GRM7: variants seen among roughly 807,000 people sequenced by gnomAD.
GRM7 encodes the protein glutamate metabotropic receptor 7, also known as metabotropic glutamate receptor 7.
In GRM7, 35 loss-of-function variants were observed where a neutral mutation model predicts 84.5. The ratio of observed to expected loss-of-function variants is 0.41; its 90% CI spans 0.32 to 0.55. GRM7 has a LOEUF of 0.55. GRM7 is among the 20% of genes least tolerant of loss of function. The probability of loss-of-function intolerance (pLI) is 0.19; values close to 1 mark genes in which losing one functional copy is unlikely to be tolerated. For missense variants in GRM7, 1,003 were observed against 1,194.6 expected (o/e 0.84, Z 2.36); for synonymous variants, 487 against 455.1 (o/e 1.07, Z -0.89).
intron 2 of GRM7, among the ~76,000 whole-genome samples, chr3:7,285,210 CCTAA>C (rs1358805039): frequency 3.9e-5 from 6 of 152,102 alleles, no homozygotes; most frequent in African/African-American, 1.2e-4. Flanking sequence ...TTTGCTGACT[CCTAA>C]CTTAGACCAA....
chr3:7,443,257 G>A (rs1009506688), intron 5 of GRM7, among the ~76,000 whole-genome samples: 2 of 151,660 alleles, frequency 1.3e-5, no homozygotes, highest in African/African-American at 2.4e-5. Context: ...CCTCACCATT[G>A]GCCAATTCAA....
In GRM7 at chr3:7,456,897, G is replaced by A. The variant is rs185517538; in HGVS notation, c.1375+4090G>A. 7.9e-5 allele frequency among the ~76,000 whole-genome samples: 12 copies of A among 152,072 alleles called. No individual in the cohort carries two copies. The South Asian group carries it at 1.2e-3, about 16-fold the overall frequency. On this transcript the variant is annotated intron_variant, in intron 6 of 9. Coordinates refer to ENST00000357716, the MANE Select transcript of GRM7 (RefSeq NM_000844.4). ...ATCAGTGGGTCCTATGTCACTTTAC[G>A]GGAGCAAAGCTTAGAGGGGAAAAAA...
intron 1 of GRM7, among the ~76,000 whole-genome samples, chr3:7,071,187 G>C (rs1697868223): frequency 6.6e-6 from 1 of 152,000 alleles, no homozygotes; most frequent in Non-Finnish European, 1.5e-5. Flanking sequence ...ATTTTTCTGT[G>C]AATAGGTGGT....
intron 1 of GRM7, among the ~76,000 whole-genome samples, chr3:7,045,789 A>C (rs1696785588): frequency 6.6e-6 from 1 of 152,106 alleles, no homozygotes; most frequent in African/African-American, 2.4e-5. Flanking sequence ...GTCAGTGGAC[A>C]TTTAGGTTGT....
intron 5 of GRM7, among the ~76,000 whole-genome samples, chr3:7,432,739 A>C (rs1007679361): frequency 6.6e-6 from 1 of 152,244 alleles, no homozygotes; most frequent in Non-Finnish European, 1.5e-5. Context: ...GAAGGCTATC[A>C]AAAATGATAA....
rs1256269774 is a variant in GRM7 at position 7,306,344 on chromosome 3, T to TAA, written c.879-154_879-153insAA. ...TTCATTATTGGTTTACAAAATATCT[T>TAA]TATATATTAGGGATATAAATTCTTT... On this transcript the variant is annotated intron_variant, in intron 3 of 9. Coordinates refer to ENST00000357716, the MANE Select transcript of GRM7 (RefSeq NM_000844.4). Among the ~76,000 whole-genome samples, 8 of 152,350 alleles carry TAA rather than the reference T, an allele frequency of 5.3e-5. No homozygotes were observed. The South Asian group carries it at 1.0e-3, about 20-fold the overall frequency.
rs541193291 is a variant in GRM7 at position 7,349,374 on chromosome 3, A to C, written c.1033+42722A>C. On this transcript the variant is annotated intron_variant, in intron 4 of 9. Coordinates refer to ENST00000357716, the MANE Select transcript of GRM7 (RefSeq NM_000844.4). The stretch of plus-strand genomic sequence containing the variant: ...AAGTGGCCCAGCTGATGGGCTTGTC[A>C]TGCAGAACTCAGGATATAATGGCTA... Among the ~76,000 whole-genome samples the C allele has an allele frequency of 1.8e-4, 27 of 152,274 alleles. 3 individuals are homozygous for C. In the South Asian group the frequency reaches 5.6e-3, roughly 32 times the overall value.
intron 2 of GRM7, among the ~76,000 whole-genome samples, chr3:7,205,079 A>G (rs1001038461): frequency 1.2e-4 from 19 of 152,328 alleles, no homozygotes; most frequent in Non-Finnish European, 5.9e-5. Flanking sequence ...GGATTGAAGC[A>G]TGAGCATATG....
At chr3:7,017,660 A>G (rs895866186) in intron 1 of GRM7, among the ~76,000 whole-genome samples, 17 of 152,138 alleles carry the variant, frequency 1.1e-4, no homozygotes, top group African/African-American at 4.1e-4. Context: ...GTCCTAAACT[A>G]TACTGACACC....
chr3:7,532,563 A>G (rs958087329), intron 7 of GRM7, among the ~76,000 whole-genome samples: 2 of 151,966 alleles, frequency 1.3e-5, no homozygotes, highest in African/African-American at 2.4e-5. Flanking sequence ...AATCTTTTCA[A>G]AAAACCAGTT....
chr3:7,324,598 C>T (rs1290234269), intron 4 of GRM7, among the ~76,000 whole-genome samples: 2 of 152,182 alleles, frequency 1.3e-5, no homozygotes, highest in African/African-American at 4.8e-5. Flanking sequence ...CTGTGTTTTC[C>T]TTTCTCACAT....
intron 1 of GRM7, among the ~76,000 whole-genome samples, chr3:6,903,567 G>GTTC (rs1416460960): frequency 6.6e-6 from 1 of 152,088 alleles, no homozygotes; most frequent in Non-Finnish European, 1.5e-5. Flanking sequence ...AACGTAGGCT[G>GTTC]TTCTCAACAT....
At chr3:6,956,532 G>A (rs1559351040) in intron 1 of GRM7, 2 of 454,988 alleles carry the variant, frequency 4.4e-6, no homozygotes, top group Non-Finnish European at 8.8e-6. Flanking sequence ...GATTTCTGTG[G>A]CATATTTTCC....
rs550333327 is a variant in GRM7, at chr3:7,114,286, A to C, written c.520-32166A>C. On this transcript the variant is annotated intron_variant, in intron 1 of 9. Transcript: ENST00000357716. Reference sequence around the variant, plus strand: ...AATGAGCAATGAGGTTATTACACAAATGCAACCCATTCTGAAGATGCTCAG... The same window carrying C: ...AATGAGCAATGAGGTTATTACACAACTGCAACCCATTCTGAAGATGCTCAG... Among the ~76,000 whole-genome samples, 120 of 152,294 alleles carry C rather than the reference A, an allele frequency of 7.9e-4. 1 individual carries two copies. Among genetic ancestry groups the C allele is most frequent in the African/African-American group, 2.9e-3 (119 of 41,578 alleles).
chr3:6,897,694 T>A (rs1179053588), intron 1 of GRM7, among the ~76,000 whole-genome samples: 1 of 152,234 alleles, frequency 6.6e-6, no homozygotes, highest in Non-Finnish European at 1.5e-5. Context: ...GGTAATAATG[T>A]GGTTTGTAAA....
rs1428834021 is a variant in GRM7 at position 6,928,031 on chromosome 3, A to G, written c.519+66124A>G. Among the ~76,000 whole-genome samples, 2 of 152,156 alleles carry G rather than the reference A, an allele frequency of 1.3e-5. No homozygotes were observed. Among genetic ancestry groups the G allele is most frequent in the Admixed American group, 6.5e-5 (1 of 15,272 alleles). ...TAACTCACATAGGCAATTTTTCAGA[A>G]ATCTAAATCTAGACCTTCACATTTG... On this transcript the variant is annotated intron_variant, in intron 1 of 9. Transcript: ENST00000357716. This position sits in a 1 kb window ranked among gnomAD's most constrained non-coding sequence, Gnocchi z 4.5.
In GRM7 at chr3:6,874,405, C is replaced by T. The variant is rs532961889; in HGVS notation, c.519+12498C>T. ...CTGTACCCCCAGTCAGAGCCAGCTC[C>T]GGGCAGGCCACATCAATACCACCAC... On this transcript the variant is annotated intron_variant, in intron 1 of 9. Transcript: ENST00000357716. 1.4e-4 allele frequency among the ~76,000 whole-genome samples: 21 copies of T among 152,296 alleles called. No homozygotes were observed. In the South Asian group the frequency reaches 4.1e-3, roughly 30 times the overall value.
At chr3:7,633,412 C>CT (rs934919332) in intron 8 of GRM7, among the ~76,000 whole-genome samples, 2 of 152,124 alleles carry the variant, frequency 1.3e-5, no homozygotes, top group East Asian at 1.9e-4. Flanking sequence ...AAATGAGGAA[C>CT]TTTTTTTTCC....
rs940480640 is a variant in GRM7, at chr3:7,188,747, T to G, written c.736+42079T>G. Among the ~76,000 whole-genome samples the G allele has an allele frequency of 4.6e-5, 7 of 152,174 alleles. No individual in the cohort carries two copies. Among genetic ancestry groups the G allele is most frequent in the Admixed American group, 3.9e-4 (6 of 15,270 alleles). On this transcript the variant is annotated intron_variant, in intron 2 of 9. Coordinates refer to ENST00000357716, the MANE Select transcript of GRM7 (RefSeq NM_000844.4). This position sits in a 1 kb window ranked among gnomAD's most constrained non-coding sequence, Gnocchi z 4.2. ...ATCTGTTTTCTATTGGTGGACAGCT[T>G]TCTCCCATGTGGCAATTTTGAGATT...
Sources: allele counts gnomAD v4.1 joint callset (sites outside exome capture counted in the v4.1 genomes callset), GRCh38; gene constraint gnomAD v4.1.1; non-coding constraint Gnocchi (gnomAD v3.1); transcripts MANE v1.5; gene names NCBI Gene and HGNC (gene_info 2026-07-23, HGNC 2026-07-21).